The following PHLPP1 variants were observed in gnomAD, a reference collection of about 807,000 sequenced individuals.
The protein encoded by PHLPP1 is PH domain leucine-rich repeat-containing protein phosphatase 1.
In PHLPP1, 42 loss-of-function variants were observed where a neutral mutation model predicts 117.2. The ratio of observed to expected loss-of-function variants is 0.36; its 90% confidence interval spans 0.28 to 0.46. The LOEUF is 0.46. Among genes scored for constraint, PHLPP1 ranks in the 20% least tolerant of loss-of-function variants. The probability of loss-of-function intolerance (pLI) is 1.00; values close to 1 mark genes in which losing one functional copy is unlikely to be tolerated. For synonymous variants in PHLPP1, 1,042 were observed against 970.7 expected, an observed-to-expected ratio of 1.07 and a Z score of -1.37; for missense variants, 2,084 against 2,241.9, an observed-to-expected ratio of 0.93 and a Z score of 1.42.
At chr18:62,839,997 G>T (rs1254331340) in intron 3 of PHLPP1, 1 of 151,802 alleles carries the variant, frequency 6.6e-6, no homozygotes, top group Non-Finnish European at 1.5e-5. Context: ...TCTCTAGGGT[G>T]CCAGGAGCAT....
intron 10 of PHLPP1, among the ~76,000 whole-genome samples, chr18:62,933,957 T>G (rs1229324891): frequency 6.6e-6 from 1 of 152,058 alleles, no homozygotes; most frequent in Non-Finnish European, 1.5e-5. Context: ...AAATTCAGGC[T>G]GCCAGCAAAC....
intron 3 of PHLPP1, chr18:62,839,796 T>TAA (rs1487285561): frequency 6.8e-6 from 1 of 147,444 alleles, no homozygotes; most frequent in Non-Finnish European, 1.5e-5. Flanking sequence ...TATATATATA[T>TAA]AATATCTAGT....
intron 4 of PHLPP1, chr18:62,889,540 AC>A (rs1189428377): frequency 6.6e-6 from 1 of 152,150 alleles, no homozygotes; most frequent in Non-Finnish European, 1.5e-5. Flanking sequence ...TGGGCCAGGG[AC>A]CCCACCTCTT....
intron 1 of PHLPP1, among the ~76,000 whole-genome samples, chr18:62,761,741 G>A (rs1215783603): frequency 1.3e-5 from 2 of 151,458 alleles, no homozygotes; most frequent in Admixed American, 6.6e-5. Flanking sequence ...TGAAGTAGAG[G>A]TACTGAATTT....
In PHLPP1 at chr18:62,894,968, C is replaced by T. The variant is rs573248430; in HGVS notation, c.2067-43C>T. 2.7e-6 allele frequency: 4 copies of T among 1,470,964 alleles called. No homozygotes were observed. The Middle Eastern group carries it at 7.0e-4, about 256-fold the overall frequency. The allele number at this position is 1,470,964 out of a possible 1,614,324, so 91.1% of individuals were successfully genotyped here. A position where few individuals can be genotyped will look rare whatever the true frequency, so the allele number is the denominator to read the frequency against. ...TATGCTAAAATTATGATGTTAATGA[C>T]ATTTGTCTCTTTTTTCCCTTTTGTT... On this transcript the variant is annotated intron_variant, in intron 4 of 16. Transcript: ENST00000262719.
At chr18:62,940,367 T>C (rs1381747756) in intron 10 of PHLPP1, among the ~76,000 whole-genome samples, 10 of 123,836 alleles carry the variant, frequency 8.1e-5, no homozygotes, top group African/African-American at 2.8e-4. Context: ...TTTTTTTTTT[T>C]TTTTTTTTTT....
intron 4 of PHLPP1, among the ~76,000 whole-genome samples, chr18:62,888,806 ACC>A (rs1916346843): frequency 1.3e-5 from 2 of 152,200 alleles, no homozygotes; most frequent in African/African-American, 4.8e-5. Context: ...TTTCCTCCAT[ACC>A]AGGGTGCTGT....
At chr18:62,760,006 T>A (rs1009642026) in intron 1 of PHLPP1, among the ~76,000 whole-genome samples, 8 of 152,220 alleles carry the variant, frequency 5.3e-5, no homozygotes, top group African/African-American at 1.9e-4. Context: ...CCCCTTGGGT[T>A]CCATACTTGT....
At chr18:62,854,291 A>G (rs933068151) in intron 3 of PHLPP1, among the ~76,000 whole-genome samples, 1 of 152,214 alleles carries the variant, frequency 6.6e-6, no homozygotes, top group Admixed American at 6.5e-5. Flanking sequence ...CCAAATATCT[A>G]TAACCTCTTA....
intron 11 of PHLPP1, among the ~76,000 whole-genome samples, chr18:62,944,815 A>G (rs1051612615): frequency 1.3e-5 from 2 of 152,212 alleles, no homozygotes; most frequent in African/African-American, 4.8e-5. Context: ...AGACCAAGCT[A>G]TACAGTAACA....
At chr18:62,724,246 A>G (rs1911004379) in intron 1 of PHLPP1, among the ~76,000 whole-genome samples, 1 of 152,230 alleles carries the variant, frequency 6.6e-6, no homozygotes, top group African/African-American at 2.4e-5. Context: ...ACTTAGCAAG[A>G]TGCCTTCATA....
At chr18:62,846,139 G>T (rs1242418324) in intron 3 of PHLPP1, among the ~76,000 whole-genome samples, 2 of 149,032 alleles carry the variant, frequency 1.3e-5, no homozygotes, top group Non-Finnish European at 3.0e-5. Flanking sequence ...AACTCAGGAG[G>T]TAGAGGTTGC....
intron 10 of PHLPP1, among the ~76,000 whole-genome samples, chr18:62,921,314 A>G (rs539907066): frequency 2.6e-5 from 4 of 152,328 alleles, no homozygotes; most frequent in Admixed American, 2.6e-4. Context: ...AAGTGCAGAG[A>G]AGAGAAGGAA....
intron 1 of PHLPP1, among the ~76,000 whole-genome samples, chr18:62,803,982 G>A (rs1308092554): frequency 6.6e-6 from 1 of 152,098 alleles, no homozygotes; most frequent in East Asian, 1.9e-4. Flanking sequence ...GTGGGTGTGT[G>A]TATTAGTCCG....
intron 3 of PHLPP1, among the ~76,000 whole-genome samples, chr18:62,855,869 AAGG>A (rs1446881431): frequency 1.3e-5 from 2 of 152,190 alleles, no homozygotes; most frequent in Non-Finnish European, 2.9e-5. Flanking sequence ...CCTGGTGAGA[AAGG>A]AGGAGGTATA....
At chr18:62,885,210 TC>T (rs1413705851) in intron 4 of PHLPP1, among the ~76,000 whole-genome samples, 3 of 152,252 alleles carry the variant, frequency 2.0e-5, no homozygotes, top group Non-Finnish European at 2.9e-5. Context: ...TTTCTTTCTT[TC>T]AACTTTGACA....
chr18:62,721,699 T>C (rs1332736810), intron 1 of PHLPP1, among the ~76,000 whole-genome samples: 2 of 152,160 alleles, frequency 1.3e-5, no homozygotes, highest in East Asian at 1.9e-4. Context: ...TTTGTACTCA[T>C]TGAAGTAATT....
chr18:62,940,354 CTTTTTTTTTTTTTTT>C (rs66530466), intron 10 of PHLPP1, among the ~76,000 whole-genome samples: 35 of 46,814 alleles, frequency 7.5e-4, no homozygotes, highest in Admixed American at 7.0e-3. Flanking sequence ...TCTTTCTTTT[CTTTTTTTTTTTTTTT>C]TTTTTTTTTT....
chr18:62,813,391 G>A (rs753088056), intron 1 of PHLPP1, among the ~76,000 whole-genome samples: 7 of 152,206 alleles, frequency 4.6e-5, no homozygotes, highest in Non-Finnish European at 8.8e-5. Context: ...AAAGATGCCT[G>A]AGAACTGAAT....
Sources: allele counts gnomAD v4.1 joint callset (sites outside exome capture counted in the v4.1 genomes callset), GRCh38; gene constraint gnomAD v4.1.1; transcripts MANE v1.5; gene names NCBI Gene and HGNC (gene_info 2026-07-23, HGNC 2026-07-21).